Variants in SEZ6L observed in about 807,000 individuals in gnomAD.
The protein encoded by SEZ6L is seizure 6-like protein.
In SEZ6L, 37 loss-of-function variants were observed where a neutral mutation model predicts 106.2. The observed-to-expected ratio is 0.35, with a 90% CI of 0.27 to 0.46. The LOEUF is 0.46. Among genes scored for constraint, SEZ6L ranks in the 20% least tolerant of loss-of-function variants. The pLI is 1.00. For missense variants in SEZ6L, 1,172 were observed against 1,332.8 expected (o/e 0.88, Z 1.88); for synonymous variants, 541 against 570.4 (o/e 0.95, Z 0.73).
chr22:26,256,021 G>A (rs2079806683), intron 1 of SEZ6L, among the ~76,000 whole-genome samples: 1 of 152,174 alleles, frequency 6.6e-6, no homozygotes, highest in African/African-American at 2.4e-5. Flanking sequence ...AGATTAGGAA[G>A]GAAGGGAAGG....
chr22:26,264,656 G>A (rs1391696103), intron 1 of SEZ6L, among the ~76,000 whole-genome samples: 3 of 152,074 alleles, frequency 2.0e-5, no homozygotes, highest in Admixed American at 6.5e-5. Flanking sequence ...TTAGTCTCTG[G>A]GGCATCTATT....
chr22:26,351,162 C>T lies in SEZ6L; in HGVS notation c.2518C>T (p.Leu840Phe). 1 of 1,614,170 alleles carries T rather than the reference C, an allele frequency of 6.2e-7. No homozygotes were observed. The highest frequency in any genetic ancestry group is 8.5e-7 in the Non-Finnish European group (1 of 1,180,038). Residue 840 changes from leucine (L) to phenylalanine (F), a missense_variant, in exon 12 of 17, where the codon CTT (leucine) becomes TTT (phenylalanine). Physicochemically the swap from Leu to Phe is conservative, Grantham distance 22. Around this residue, in one of 4 missense-constraint regions of SEZ6L, gnomAD observed 534 missense variants for 691.0 expected, o/e 0.77. Coordinates refer to ENST00000248933, the MANE Select transcript of SEZ6L (RefSeq NM_021115.5). Reference protein sequence around the residue: ...IQYTCNPGFVLEGSSLLTCYS... With the variant: ...IQYTCNPGFVFEGSSLLTCYS... ...ATACACCTGCAACCCCGGTTTTGTG[C>T]TTGAAGGGAGTTCTCTTCTGACCTG... is the stretch of plus-strand genomic sequence containing the variant.
At chr22:26,283,421 C>G (rs1435040840) in intron 1 of SEZ6L, among the ~76,000 whole-genome samples, 1 of 151,922 alleles carries the variant, frequency 6.6e-6, no homozygotes, top group African/African-American at 2.4e-5. Context: ...TATGTGTGTT[C>G]TAGTCGAAAG....
At chr22:26,255,128 G>T (rs1489053085) in intron 1 of SEZ6L, among the ~76,000 whole-genome samples, 1 of 152,118 alleles carries the variant, frequency 6.6e-6, no homozygotes, top group Non-Finnish European at 1.5e-5. Context: ...AAATGTGTAG[G>T]TATTTGTTAC....
At chr22:26,244,585 A>T (rs1242091670) in intron 1 of SEZ6L, 1 of 152,180 alleles carries the variant, frequency 6.6e-6, no homozygotes, top group Non-Finnish European at 1.5e-5. Context: ...TAAGGATAGG[A>T]AGAATTTGGC....
At chr22:26,206,459 C>G (rs1163077752) in intron 1 of SEZ6L, among the ~76,000 whole-genome samples, 1 of 152,204 alleles carries the variant, frequency 6.6e-6, no homozygotes, top group Admixed American at 6.5e-5. Flanking sequence ...TTTCAAAACT[C>G]CCATGCAGTA....
rs542643953 is a variant in SEZ6L, at chr22:26,195,806, T to TTG, written c.94+26058_94+26059dup. Among the ~76,000 whole-genome samples the TTG allele has an allele frequency of 4.3e-3, 656 of 150,844 alleles. 2 individuals carry two copies. Among genetic ancestry groups the TTG allele is most frequent in the Middle Eastern group, 0.014 (4 of 294 alleles). ...TAGTGTGTGTATATATATATATAGT[T>TTG]TGTGTGTGTGTGTGTGATTACAAAT... On this transcript the variant is annotated intron_variant, in intron 1 of 16. Coordinates refer to ENST00000248933, the MANE Select transcript of SEZ6L (RefSeq NM_021115.5).
At position 26,351,189 on chromosome 22, in the gene SEZ6L, T is replaced by C. The variant is rs2083266010; in HGVS notation, c.2545T>C (p.Tyr849His). 2 of 1,614,102 alleles carry C rather than the reference T, an allele frequency of 1.2e-6. No individual in the cohort carries two copies. Among genetic ancestry groups the C allele is most frequent in the African/African-American group, 2.7e-5 (2 of 74,932 alleles). Residue 849 changes from tyrosine (Y) to histidine (H), a missense_variant, in exon 12 of 17, where the codon TAC becomes CAC. Physicochemically the swap from Tyr to His is moderately conservative, Grantham distance 83. Around this residue, in one of 4 missense-constraint regions of SEZ6L, gnomAD observed 534 missense variants for 691.0 expected, o/e 0.77. Transcript: ENST00000248933. ...TGAAGGGAGTTCTCTTCTGACCTGCTACAGCCGTGAAACAGGGACTCCCAT... is the reference window on the plus strand; with the variant it reads ...TGAAGGGAGTTCTCTTCTGACCTGCCACAGCCGTGAAACAGGGACTCCCAT... Reference protein sequence around the residue: ...VLEGSSLLTCYSRETGTPIWT... With the variant: ...VLEGSSLLTCHSRETGTPIWT...
intron 10 of SEZ6L, among the ~76,000 whole-genome samples, chr22:26,342,913 C>T (rs1469534668): frequency 6.6e-6 from 1 of 152,212 alleles, no homozygotes; most frequent in African/African-American, 2.4e-5. Context: ...AAAGTACATT[C>T]CTGGCATTTT....
At chr22:26,369,357 T>TTTTTTTTTTTTTTTTTTTTTTTTTTTAAG in intron 13 of SEZ6L, among the ~76,000 whole-genome samples, 1 of 130,512 alleles carries the variant, frequency 7.7e-6, no homozygotes, top group Non-Finnish European at 1.6e-5. Context: ...TTTTTTTTTT[T>TTTTTTTTTTTTTTTTTTTTTTTTTTTAAG]GAGACAGATT....
chr22:26,200,663 C>T (rs754246612), intron 1 of SEZ6L, among the ~76,000 whole-genome samples: 4 of 152,224 alleles, frequency 2.6e-5, no homozygotes, highest in Admixed American at 1.3e-4. Flanking sequence ...TTGGCCACTG[C>T]TCCCAGTGTG....
chr22:26,242,940 T>C (rs4438594), intron 1 of SEZ6L: 11 of 152,066 alleles, frequency 7.2e-5, no homozygotes, highest in African/African-American at 2.7e-4. Context: ...AGGCCAAGAG[T>C]CTGAAACCAA....
chr22:26,326,319 T>C (rs1018225457), intron 9 of SEZ6L, among the ~76,000 whole-genome samples: 3 of 152,036 alleles, frequency 2.0e-5, no homozygotes, highest in Non-Finnish European at 4.4e-5. Context: ...GTTTTACGAG[T>C]CCCTGACATG....
At chr22:26,220,369 T>C (rs2078428650) in intron 1 of SEZ6L, among the ~76,000 whole-genome samples, 1 of 152,174 alleles carries the variant, frequency 6.6e-6, no homozygotes, top group Non-Finnish European at 1.5e-5. Context: ...ACAGCGAATC[T>C]GCCATTGACC....
chr22:26,341,241 G>C lies in SEZ6L; in HGVS notation c.2212+609G>C, dbSNP rs1002720314. 3.3e-5 allele frequency among the ~76,000 whole-genome samples: 5 copies of C among 150,282 alleles called. No homozygotes were observed. The South Asian group carries it at 6.4e-4, about 19-fold the overall frequency. ...ATCCTCAATGTGGCCTCCAAACCAT[G>C]TCTCTCCTGCTCCTCCTAAAACAAA... On this transcript the variant is annotated intron_variant, in intron 10 of 16. Transcript: ENST00000248933.
At chr22:26,325,524 G>A (rs2082280094) in intron 9 of SEZ6L, among the ~76,000 whole-genome samples, 1 of 151,988 alleles carries the variant, frequency 6.6e-6, no homozygotes, top group African/African-American at 2.4e-5. Flanking sequence ...CTGGCATATA[G>A]AAGACTCAGA....
intron 1 of SEZ6L, among the ~76,000 whole-genome samples, chr22:26,213,650 G>T (rs1183838979): frequency 6.6e-6 from 1 of 152,176 alleles, no homozygotes; most frequent in East Asian, 1.9e-4. Flanking sequence ...GCACACAGCT[G>T]GACTAGGCAA....
intron 10 of SEZ6L, among the ~76,000 whole-genome samples, chr22:26,345,036 T>A (rs768700416): frequency 3.9e-5 from 6 of 152,028 alleles, no homozygotes; most frequent in Non-Finnish European, 7.4e-5. Flanking sequence ...GGTAAAAAAA[T>A]ACATGTTCCT....
intron 5 of SEZ6L, among the ~76,000 whole-genome samples, chr22:26,300,507 G>C (rs370266002): frequency 1.4e-4 from 22 of 152,332 alleles, no homozygotes; most frequent in African/African-American, 4.8e-4. Context: ...TGGCTGCATA[G>C]TATTCCATGG....
Sources: allele counts gnomAD v4.1 joint callset (sites outside exome capture counted in the v4.1 genomes callset), GRCh38; gene constraint gnomAD v4.1.1; regional missense constraint gnomAD v4.1.1; transcripts MANE v1.5; gene names NCBI Gene and HGNC (gene_info 2026-07-23, HGNC 2026-07-21).